Variants in SIPA1L2 observed in about 807,000 individuals in gnomAD.
The protein encoded by SIPA1L2 is signal induced proliferation associated 1 like 2.
SIPA1L2 carries 56 observed loss-of-function variants against 163.9 expected under a neutral mutation model. That is an observed-to-expected ratio of 0.34 (90% CI 0.28 to 0.43). The LOEUF is 0.43. Among genes scored for constraint, SIPA1L2 ranks in the 20% least tolerant of loss-of-function variants. SIPA1L2 has a pLI of 1.00. For synonymous variants in SIPA1L2, 877 were observed against 865.7 expected, an observed-to-expected ratio of 1.01 and a Z score of -0.23; for missense variants, 1,974 against 2,193.5, an observed-to-expected ratio of 0.90 and a Z score of 2.00.
intron 10 of SIPA1L2, among the ~76,000 whole-genome samples, chr1:232,452,759 A>G (rs1663661861): frequency 6.6e-6 from 1 of 152,206 alleles, no homozygotes; most frequent in Non-Finnish European, 1.5e-5. Context: ...TCCATTAAAG[A>G]GAGAGTTTGG....
chr1:232,516,742 A>C (rs1295353361), intron 2 of SIPA1L2, among the ~76,000 whole-genome samples: 1 of 152,198 alleles, frequency 6.6e-6, no homozygotes, highest in Non-Finnish European at 1.5e-5. Flanking sequence ...TCCACTGGAA[A>C]GAGTTTTTAT....
intron 1 of SIPA1L2, among the ~76,000 whole-genome samples, chr1:232,603,494 C>T (rs140913773): frequency 1.3e-5 from 2 of 152,210 alleles, no homozygotes; most frequent in Admixed American, 6.5e-5. Context: ...GTTTGAACAG[C>T]AGGGTGTCAC....
intron 2 of SIPA1L2, among the ~76,000 whole-genome samples, chr1:232,524,580 C>T (rs1667605927): frequency 1.3e-5 from 2 of 151,960 alleles, no homozygotes; most frequent in South Asian, 2.1e-4. Context: ...AATATTCATC[C>T]AAAACTACAA....
At chr1:232,471,572 A>G in intron 7 of SIPA1L2, 44 bp from the exon 8 acceptor site, 8 of 1,503,014 alleles carry the variant, frequency 5.3e-6, no homozygotes, top group Non-Finnish European at 7.2e-6. Context: ...TTTTTCTTTA[A>G]AACAAAATAT....
intron 9 of SIPA1L2, 104 bp downstream of exon 9, chr1:232,464,736 T>G: frequency 1.1e-6 from 1 of 923,308 alleles, no homozygotes; most frequent in East Asian, 2.6e-5. Flanking sequence ...TAGTAATGCA[T>G]TCCCTAATTG....
Position 232,585,650 on chromosome 1 carries a change from A to T in SIPA1L2, c.-318-11428T>A, listed in dbSNP as rs56393980. Among the ~76,000 whole-genome samples the T allele has an allele frequency of 2.6e-3, 394 of 152,360 alleles. 1 individual carries two copies. The highest frequency in any genetic ancestry group is 9.0e-3 in the African/African-American group (376 of 41,592). ...GGGTAAAGTAGAACAATGAAACCAT[A>T]CAAAGAGAACAAAGGAGGAAGAAGG... is the stretch of plus-strand genomic sequence containing the variant. On this transcript the variant is annotated intron_variant, in intron 1 of 22. Transcript: ENST00000674635.
chr1:232,586,550 A>C (rs988434255), intron 1 of SIPA1L2, among the ~76,000 whole-genome samples: 1 of 152,222 alleles, frequency 6.6e-6, no homozygotes, highest in Non-Finnish European at 1.5e-5. Flanking sequence ...AGAGAAAAAT[A>C]AAATGGGTCA....
At chr1:232,520,038 T>C (rs968296729) in intron 2 of SIPA1L2, among the ~76,000 whole-genome samples, 4 of 152,212 alleles carry the variant, frequency 2.6e-5, no homozygotes, top group African/African-American at 9.6e-5. Flanking sequence ...TCCAGGTAAT[T>C]TCCTAAACCT....
chr1:232,487,091 T>G (rs935871671), intron 5 of SIPA1L2, among the ~76,000 whole-genome samples: 6 of 152,208 alleles, frequency 3.9e-5, no homozygotes, highest in Non-Finnish European at 8.8e-5. Flanking sequence ...AAATATCCAC[T>G]TGTCAAAATT....
intron 9 of SIPA1L2, among the ~76,000 whole-genome samples, chr1:232,464,159 A>G (rs1664389888): frequency 6.6e-6 from 1 of 152,164 alleles, no homozygotes. Context: ...AGTTTGATTT[A>G]TTCTTACTAC....
At chr1:232,462,149 T>TGGTA in intron 9 of SIPA1L2, 1 of 1,312,188 alleles carries the variant, frequency 7.6e-7, no homozygotes. Context: ...GCATCCCACT[T>TGGTA]GGTACATTAA....
intron 3 of SIPA1L2, among the ~76,000 whole-genome samples, chr1:232,495,435 G>C (rs955550655): frequency 1.3e-5 from 2 of 151,898 alleles, no homozygotes; most frequent in African/African-American, 2.4e-5. Flanking sequence ...TGTGGTGGCA[G>C]GTGCCTATAG....
chr1:232,617,857 T>C (rs962492824), intron 1 of SIPA1L2, among the ~76,000 whole-genome samples: 1 of 152,242 alleles, frequency 6.6e-6, no homozygotes, highest in Admixed American at 6.5e-5. Context: ...TCAAAAAATG[T>C]AAAACTTTTT....
At chr1:232,488,183 C>T (rs887454804) in intron 5 of SIPA1L2, among the ~76,000 whole-genome samples, 2 of 152,104 alleles carry the variant, frequency 1.3e-5, no homozygotes, top group African/African-American at 4.8e-5. Context: ...GAACTCTTGA[C>T]CTCAAATGAT....
intron 3 of SIPA1L2, among the ~76,000 whole-genome samples, chr1:232,509,542 C>T (rs1461937551): frequency 4.6e-5 from 7 of 152,138 alleles, no homozygotes; most frequent in Non-Finnish European, 1.0e-4. Flanking sequence ...GCCAGTCTGC[C>T]CAGGCCCTCT....
chr1:232,597,473 C>T (rs553721067), intron 1 of SIPA1L2, among the ~76,000 whole-genome samples: 5 of 149,428 alleles, frequency 3.3e-5, no homozygotes, highest in Non-Finnish European at 3.0e-5. Flanking sequence ...GTCAGGAGAT[C>T]GAGACCATCC....
At chr1:232,497,049 T>C (rs886266382) in intron 3 of SIPA1L2, among the ~76,000 whole-genome samples, 6 of 152,096 alleles carry the variant, frequency 3.9e-5, no homozygotes, top group Non-Finnish European at 7.4e-5. Flanking sequence ...ATTAAGAAAA[T>C]CAAATCACTA....
At chr1:232,428,713 C>T (rs992927858) in intron 16 of SIPA1L2, 149 bp from the exon 17 acceptor site, 1 of 464,912 alleles carries the variant, frequency 2.2e-6, no homozygotes, top group Non-Finnish European at 3.7e-6. Flanking sequence ...TGCGTTTGCT[C>T]CAAATTCCCA....
chr1:232,526,173 G>A (rs1325529491), intron 2 of SIPA1L2, among the ~76,000 whole-genome samples: 2 of 152,132 alleles, frequency 1.3e-5, no homozygotes, highest in Admixed American at 6.5e-5. Flanking sequence ...AATACTGAAC[G>A]CCAGTTAAAG....
Sources: allele counts gnomAD v4.1 joint callset (sites outside exome capture counted in the v4.1 genomes callset), GRCh38; gene constraint gnomAD v4.1.1; transcripts MANE v1.5; gene names NCBI Gene and HGNC (gene_info 2026-07-23, HGNC 2026-07-21).